Variants in EHMT1 observed in about 807,000 individuals in gnomAD.
EHMT1 encodes the protein euchromatic histone lysine methyltransferase 1, also known as histone-lysine N-methyltransferase EHMT1.
Under a neutral mutation model 147.2 loss-of-function variants are expected in EHMT1, and 15 were observed. That is an observed-to-expected ratio of 0.10 (90% CI 0.07 to 0.16). The LOEUF (loss-of-function observed/expected upper bound fraction) is 0.16, where lower values mean the gene tolerates loss of function less well. EHMT1 is among the 10% of genes least tolerant of loss of function. The pLI, the probability that EHMT1 is intolerant of heterozygous loss-of-function variation, is 1.00. For synonymous variants in EHMT1, 795 were observed against 709.6 expected, an observed-to-expected ratio of 1.12 and a Z score of -1.91; for missense variants, 1,587 against 1,772.4, an observed-to-expected ratio of 0.90 and a Z score of 1.88.
At chr9:137,677,395 A>G (rs542979140) in intron 1 of EHMT1, among the ~76,000 whole-genome samples, 2 of 152,072 alleles carry the variant, frequency 1.3e-5, no homozygotes, top group South Asian at 2.1e-4. Context: ...TCGTCCTCCT[A>G]AAGTGCTGGG....
intron 4 of EHMT1, among the ~76,000 whole-genome samples, chr9:137,740,560 C>T (rs1947966859): frequency 2.0e-5 from 3 of 152,214 alleles, no homozygotes; most frequent in Admixed American, 1.3e-4. Flanking sequence ...TGGAAGTCCC[C>T]CTGCAGGACT....
chr9:137,765,991 G>A (rs1220099017), intron 10 of EHMT1, among the ~76,000 whole-genome samples: 6 of 152,056 alleles, frequency 3.9e-5, no homozygotes, highest in Non-Finnish European at 1.5e-5. Context: ...CCAAGGCCGG[G>A]TGCAGTAGCT....
chr9:137,687,987 A>C (rs1445724322), intron 1 of EHMT1, among the ~76,000 whole-genome samples: 1 of 152,090 alleles, frequency 6.6e-6, no homozygotes, highest in East Asian at 1.9e-4. Flanking sequence ...TACAAGCTTG[A>C]ACTTGTTTTG....
chr9:137,831,789 C>T (rs535777929), intron 25 of EHMT1, among the ~76,000 whole-genome samples: 7 of 152,380 alleles, frequency 4.6e-5, no homozygotes, highest in African/African-American at 1.7e-4. Flanking sequence ...TTCCTGTTAA[C>T]ATGTGGGGAG....
chr9:137,674,724 T>C (rs537837660), intron 1 of EHMT1, among the ~76,000 whole-genome samples: 10 of 152,202 alleles, frequency 6.6e-5, no homozygotes, highest in Non-Finnish European at 1.3e-4. Flanking sequence ...TTGGGGCTCC[T>C]TTTGTAAGTG....
intron 1 of EHMT1, among the ~76,000 whole-genome samples, chr9:137,620,654 A>G (rs1842898933): frequency 1.3e-5 from 2 of 152,058 alleles, no homozygotes; most frequent in Non-Finnish European, 2.9e-5. Context: ...CCGCCTCCCT[A>G]AGTGCTAGGA....
intron 1 of EHMT1, among the ~76,000 whole-genome samples, chr9:137,635,971 G>T (rs569638549): frequency 1.3e-5 from 2 of 151,150 alleles, no homozygotes; most frequent in African/African-American, 4.9e-5. Flanking sequence ...GCCCAGGCTA[G>T]AGTGCAGTGG....
chr9:137,635,586 C>G (rs184081337), intron 1 of EHMT1, among the ~76,000 whole-genome samples: 1 of 151,088 alleles, frequency 6.6e-6, no homozygotes, highest in Non-Finnish European at 1.5e-5. Flanking sequence ...TTTGGGAGGC[C>G]GAGGTGGGTG....
At chr9:137,656,052 GA>G (rs935416709) in intron 1 of EHMT1, among the ~76,000 whole-genome samples, 1 of 152,140 alleles carries the variant, frequency 6.6e-6, no homozygotes, top group African/African-American at 2.4e-5. Flanking sequence ...ATATTCAAGG[GA>G]AAAATTGTTT....
intron 25 of EHMT1, among the ~76,000 whole-genome samples, chr9:137,820,385 C>T (rs1310364566): frequency 6.6e-6 from 1 of 152,254 alleles, no homozygotes; most frequent in Non-Finnish European, 1.5e-5. Context: ...GGGCTGGTGA[C>T]ACATATCCTC....
intron 1 of EHMT1, among the ~76,000 whole-genome samples, chr9:137,620,232 G>A (rs902047806): frequency 2.6e-5 from 4 of 152,082 alleles, no homozygotes; most frequent in Non-Finnish European, 5.9e-5. Context: ...AACAAAAAGC[G>A]AAATTAGAAA....
intron 18 of EHMT1, among the ~76,000 whole-genome samples, chr9:137,806,416 G>A (rs7028850): frequency 0.14 from 21,554 of 151,454 alleles, 5,011 homozygotes; most frequent in African/African-American, 0.49. Context: ...TGTGGTGTTG[G>A]TCTGCTTGTG....
intron 6 of EHMT1, among the ~76,000 whole-genome samples, chr9:137,748,451 G>A (rs1948721942): frequency 6.6e-6 from 1 of 152,148 alleles, no homozygotes; most frequent in African/African-American, 2.4e-5. Flanking sequence ...CCGTCCTGGA[G>A]GAGGTTGCTG....
chr9:137,676,989 G>A (rs535386879), intron 1 of EHMT1, among the ~76,000 whole-genome samples: 3 of 152,144 alleles, frequency 2.0e-5, no homozygotes, highest in African/African-American at 7.2e-5. Flanking sequence ...GACAAGAACC[G>A]GATTTTAGCT....
chr9:137,778,255 A>G (rs1216109085), intron 13 of EHMT1, among the ~76,000 whole-genome samples, 200 bp downstream of exon 13: 1 of 152,200 alleles, frequency 6.6e-6, no homozygotes, highest in East Asian at 1.9e-4. Context: ...GCAACCTCTG[A>G]CACCTTTGAA....
chr9:137,816,735 T>A (rs1025332020), intron 23 of EHMT1: 1 of 164,212 alleles, frequency 6.1e-6, no homozygotes, highest in African/African-American at 2.4e-5. Context: ...GTATTGACTT[T>A]TTTGTGACCT....
chr9:137,773,296 C>T (rs1483607669), intron 10 of EHMT1, among the ~76,000 whole-genome samples: 2 of 150,266 alleles, frequency 1.3e-5, no homozygotes, highest in African/African-American at 4.9e-5. Context: ...CAGGGAGTCA[C>T]TGCAGAAGCA....
At chr9:137,722,794 C>T (rs755996836) in intron 3 of EHMT1, among the ~76,000 whole-genome samples, 21 of 152,180 alleles carry the variant, frequency 1.4e-4, no homozygotes, top group Non-Finnish European at 2.2e-4. Context: ...GTGGGCCCCA[C>T]GGAGGTGGTG....
At chr9:137,780,183 A>G (rs1160653133) in intron 14 of EHMT1, among the ~76,000 whole-genome samples, 1 of 137,816 alleles carries the variant, frequency 7.3e-6, no homozygotes, top group Non-Finnish European at 1.5e-5. Context: ...CATCACTGAG[A>G]TGTGTGGTGA....
Sources: allele counts gnomAD v4.1 joint callset (sites outside exome capture counted in the v4.1 genomes callset), GRCh38; gene constraint gnomAD v4.1.1; transcripts MANE v1.5; gene names NCBI Gene and HGNC (gene_info 2026-07-23, HGNC 2026-07-21).